Variants in LAMP2 observed in about 807,000 individuals in gnomAD.
The protein encoded by LAMP2 is lysosome associated membrane protein 2, also known as lysosome-associated membrane glycoprotein 2.
LAMP2 carries 4 observed loss-of-function variants against 25.6 expected under a neutral mutation model. The ratio of observed to expected loss-of-function variants is 0.16; its 90% CI spans 0.08 to 0.36. LAMP2 has a LOEUF of 0.36. Among genes scored for constraint, LAMP2 ranks in the 10% least tolerant of loss-of-function variants. The pLI, the probability that LAMP2 is intolerant of heterozygous loss-of-function variation, is 1.00. For missense variants in LAMP2, 272 were observed against 301.4 expected, an observed-to-expected ratio of 0.90 and a Z score of 0.72; for synonymous variants, 108 against 112.7, an observed-to-expected ratio of 0.96 and a Z score of 0.27.
At chrX:120,458,861 T>C (rs754822981) in intron 1 of LAMP2, among the ~76,000 whole-genome samples, 15 of 111,318 alleles carry the variant, frequency 1.3e-4, no homozygotes, top group African/African-American at 4.9e-4. Flanking sequence ...ACTCCCAATC[T>C]ATCACCCCAC....
rs909882055 is a variant in LAMP2 at position 120,429,232 on chromosome X, T to C, written c.*2091A>G. The C allele has an allele frequency of 1.7e-5, 13 of 749,668 alleles. No individual in the cohort carries two copies. The highest frequency in any genetic ancestry group is 1.9e-5 in the Non-Finnish European group (12 of 638,440). 61.8% of individuals were successfully genotyped at this position (749,668 alleles called of 1,213,427 possible). A position where few individuals can be genotyped will look rare whatever the true frequency, so the allele number is the denominator to read the frequency against. ...GTGGCCTGGAAGAATAACAGCAGTATCTAATGCGTTGCAGTCCATTCCACC... is the reference window on the plus strand; with the variant it reads ...GTGGCCTGGAAGAATAACAGCAGTACCTAATGCGTTGCAGTCCATTCCACC... On this transcript the variant is annotated 3_prime_UTR_variant, in exon 9 of 9. Transcript: ENST00000200639.
At chrX:120,449,259 C>T (rs1251723186) in intron 3 of LAMP2, 131 bp from the exon 4 acceptor site, 1 of 514,500 alleles carries the variant, frequency 1.9e-6, no homozygotes, top group East Asian at 3.7e-5. Flanking sequence ...AAGGATATAG[C>T]ATGCTTAAGG....
At position 120,441,797 on chromosome X, in the gene LAMP2, T is replaced by C; in HGVS notation, c.1026A>G (p.Ala342=). The part of the protein sequence containing the change: ...NKEQTVSVSG[A]FQINTFDLRV... ...TTAGATCAAAGGTATTTATCTGAAA[T>C]GCTCCAGACACTGAAACAGTCTGCT... Residue 342 remains alanine (A), a synonymous_variant, in exon 8 of 9, where the codon GCA becomes GCG. Transcript: ENST00000200639. 1 of 1,206,843 alleles carries C rather than the reference T, an allele frequency of 8.3e-7. No individual in the cohort carries two copies. The highest frequency in any genetic ancestry group is 3.0e-5 in the East Asian group (1 of 33,848).
chrX:120,450,062 T>C (rs2058614786), intron 3 of LAMP2, among the ~76,000 whole-genome samples: 1 of 112,497 alleles, frequency 8.9e-6, no homozygotes, highest in African/African-American at 3.2e-5. Context: ...AGTAAATCCT[T>C]ATTTTTGTTT....
At chrX:120,459,190 C>G (rs1045214138) in intron 1 of LAMP2, among the ~76,000 whole-genome samples, 2 of 112,061 alleles carry the variant, frequency 1.8e-5, no homozygotes, top group Non-Finnish European at 1.9e-5. Context: ...CACTTGAAAT[C>G]TACTTTCTTC....
At position 120,447,928 on chromosome X, in the gene LAMP2, T is replaced by C; in HGVS notation, c.654A>G (p.Pro218=). ...PTTTPTPKEK[P]EAGTYSVNNG... is the part of the protein sequence containing the mutation. ...TATTAACTGAATAGGTTCCAGCTTC[T>C]GGTTTTTCCTTTGGAGTAGGTGTTG... The change falls in exon 5 of 9, where the codon CCA becomes CCG. Residue 218 remains proline, a synonymous_variant. Transcript: ENST00000200639. 1 of 1,210,510 alleles carries C rather than the reference T, an allele frequency of 8.3e-7. No homozygotes were observed. The highest frequency in any genetic ancestry group is 1.8e-5 in the South Asian group (1 of 56,979).
At chrX:120,463,871 A>C (rs1310362659) in intron 1 of LAMP2, among the ~76,000 whole-genome samples, 2 of 106,473 alleles carry the variant, frequency 1.9e-5, no homozygotes, top group Admixed American at 1.1e-4. Context: ...TAACAAACTA[A>C]CAAGCCTGTC....
rs1806735135 is a variant in LAMP2 at position 120,430,730 on chromosome X, C to G, written c.*593G>C. On this transcript the variant is annotated 3_prime_UTR_variant, in exon 9 of 9. Coordinates refer to ENST00000200639, the MANE Select transcript of LAMP2 (RefSeq NM_002294.3). ...CTTGAGGTACTAACTTCATGCTTAACTTGAACTCAGAGAAATCAGCAAAAG... is the reference window on the plus strand; with the variant it reads ...CTTGAGGTACTAACTTCATGCTTAAGTTGAACTCAGAGAAATCAGCAAAAG... 1 of 755,291 alleles carries G rather than the reference C, an allele frequency of 1.3e-6. No individual in the cohort carries two copies. The highest frequency in any genetic ancestry group is 8.4e-5 in the Admixed American group (1 of 11,845). 62.2% of individuals were successfully genotyped at this position (755,291 alleles called of 1,213,427 possible). A position where few individuals can be genotyped will look rare whatever the true frequency, so the allele number is the denominator to read the frequency against.
At chrX:120,443,460 C>T (rs1249882164) in intron 6 of LAMP2, among the ~76,000 whole-genome samples, 4 of 112,035 alleles carry the variant, frequency 3.6e-5, no homozygotes, top group South Asian at 3.7e-4. Context: ...TATGATGCTT[C>T]GCTGAGTAAG....
chrX:120,443,040 A>G (rs920307294), intron 6 of LAMP2, among the ~76,000 whole-genome samples: 12 of 111,267 alleles, frequency 1.1e-4, no homozygotes, highest in African/African-American at 3.9e-4. Context: ...CACTGCTATT[A>G]TCTTTCTGAA....
At chrX:120,451,988 C>T (rs1334870794) in intron 3 of LAMP2, among the ~76,000 whole-genome samples, 1 of 111,346 alleles carries the variant, frequency 9.0e-6, no homozygotes, top group Non-Finnish European at 1.9e-5. Context: ...TTAAACACCT[C>T]CTCCTAATAA....
chrX:120,467,531 C>T (rs1720138579), intron 1 of LAMP2, among the ~76,000 whole-genome samples: 1 of 111,831 alleles, frequency 8.9e-6, no homozygotes, highest in Non-Finnish European at 1.9e-5. Flanking sequence ...TTCTCAGACC[C>T]CTAATATGTC....
chrX:120,434,269 G>A (rs1237570647), intron 8 of LAMP2, among the ~76,000 whole-genome samples: 1 of 111,846 alleles, frequency 8.9e-6, no homozygotes, highest in Non-Finnish European at 1.9e-5. Context: ...GTACTGAAAC[G>A]ACTTTCATAA....
chrX:120,428,816 G>A lies in LAMP2; in HGVS notation c.*2507C>T, dbSNP rs1049364819. The A allele has an allele frequency of 1.1e-5, 8 of 749,754 alleles. No individual in the cohort carries two copies. In the African/African-American group the frequency reaches 1.9e-4, roughly 18 times the overall value. The allele number at this position is 749,754 out of a possible 1,213,427, so 61.8% of individuals were successfully genotyped here. On this transcript the variant is annotated 3_prime_UTR_variant, in exon 9 of 9. Coordinates refer to ENST00000200639, the MANE Select transcript of LAMP2 (RefSeq NM_002294.3). Reference sequence around the variant, plus strand: ...AAAATCACACGAAATTCCTCAGTACGAAAAGCAGAAGGTAAGGGAAGAATG... The same window carrying A: ...AAAATCACACGAAATTCCTCAGTACAAAAAGCAGAAGGTAAGGGAAGAATG...
At chrX:120,460,638 C>T (rs1431448564) in intron 1 of LAMP2, among the ~76,000 whole-genome samples, 2 of 112,400 alleles carry the variant, frequency 1.8e-5, no homozygotes, top group African/African-American at 6.5e-5. Context: ...GTGCTCACTG[C>T]TGTATAACCT....
intron 6 of LAMP2, among the ~76,000 whole-genome samples, chrX:120,443,610 G>A (rs1422424132): frequency 9.0e-6 from 1 of 111,361 alleles, no homozygotes; most frequent in South Asian, 3.8e-4. Context: ...CACCCTGAAG[G>A]AACTAAAGGA....
intron 7 of LAMP2, 33 bp from the exon 8 acceptor site, chrX:120,441,927 T>C (rs1230543072): frequency 2.6e-6 from 3 of 1,164,883 alleles, no homozygotes; most frequent in Non-Finnish European, 3.5e-6. Flanking sequence ...AGTAACTTCT[T>C]ATCCTATCAA....
chrX:120,456,147 C>T (rs1170374005), intron 2 of LAMP2, among the ~76,000 whole-genome samples: 1 of 106,803 alleles, frequency 9.4e-6, no homozygotes, highest in East Asian at 3.0e-4. Flanking sequence ...ATCCTCCAGC[C>T]TCGGCCCAGC....
chrX:120,437,319 CTGTG>C, intron 8 of LAMP2: 1 of 729,660 alleles, frequency 1.4e-6, no homozygotes, highest in Non-Finnish European at 1.6e-6. Flanking sequence ...ATATATATGT[CTGTG>C]TGTGTGTATT....
Sources: allele counts gnomAD v4.1 joint callset (sites outside exome capture counted in the v4.1 genomes callset), GRCh38; gene constraint gnomAD v4.1.1; transcripts MANE v1.5; gene names NCBI Gene and HGNC (gene_info 2026-07-23, HGNC 2026-07-21).